The following HERC2 variants were observed in gnomAD, a reference collection of about 807,000 sequenced individuals.
The protein encoded by HERC2 is HECT and RLD domain containing E3 ubiquitin protein ligase 2.
In HERC2, 102 loss-of-function variants were observed where a neutral mutation model predicts 537.7. The ratio of observed to expected loss-of-function variants is 0.19; its 90% CI spans 0.16 to 0.22. The LOEUF (loss-of-function observed/expected upper bound fraction) is 0.22, where lower values mean the gene tolerates loss of function less well. HERC2 is among the 10% of genes least tolerant of loss of function. The pLI is 1.00. For synonymous variants in HERC2, 2,224 were observed against 2,466.2 expected (o/e 0.90, Z 2.91); for missense variants, 4,236 against 6,198.2 (o/e 0.68, Z 10.63).
At chr15:28,158,900 C>T (rs1456496685) in intron 69 of HERC2, among the ~76,000 whole-genome samples, 1 of 152,142 alleles carries the variant, frequency 6.6e-6, no homozygotes, top group Non-Finnish European at 1.5e-5. Context: ...ATGTTTAGTG[C>T]TTCCTTCAGG....
intron 81 of HERC2, 33 bp from the exon 82 acceptor site, chr15:28,130,627 G>A (rs1207587161): frequency 6.9e-7 from 1 of 1,446,272 alleles, no homozygotes; most frequent in Non-Finnish European, 9.7e-7. Flanking sequence ...TAGACAGACA[G>A]CAACAAGGCT....
intron 34 of HERC2, among the ~76,000 whole-genome samples, 162 bp from the exon 35 acceptor site, chr15:28,228,571 G>A (rs756538317): frequency 2.1e-4 from 32 of 151,834 alleles, no homozygotes; most frequent in Non-Finnish European, 3.7e-4. Context: ...AAGCACGGGC[G>A]ATTACTCTAA....
intron 92 of HERC2, among the ~76,000 whole-genome samples, chr15:28,112,287 C>T (rs1887730066): frequency 6.6e-6 from 1 of 152,142 alleles, no homozygotes; most frequent in Admixed American, 6.5e-5. Flanking sequence ...AGGACCACAC[C>T]ACCTGTGTGG....
intron 14 of HERC2, among the ~76,000 whole-genome samples, chr15:28,264,230 A>C (rs2075498647): frequency 6.6e-6 from 1 of 152,122 alleles, no homozygotes; most frequent in African/African-American, 2.4e-5. Context: ...TTTCTGTCCC[A>C]ACTACCCAGC....
chr15:28,204,342 C>A (rs1898179057), intron 45 of HERC2, among the ~76,000 whole-genome samples: 1 of 152,130 alleles, frequency 6.6e-6, no homozygotes, highest in Non-Finnish European at 1.5e-5. Flanking sequence ...ATAGATTTGG[C>A]CAGGCACGGT....
intron 2 of HERC2, among the ~76,000 whole-genome samples, chr15:28,313,104 C>T (rs1340805443): frequency 6.6e-5 from 10 of 150,414 alleles, no homozygotes; most frequent in East Asian, 5.8e-4. Context: ...ACCTGCAGCA[C>T]GGCAGCCAGG....
At chr15:28,160,945 C>T (rs1012418295) in intron 69 of HERC2, among the ~76,000 whole-genome samples, 2 of 152,188 alleles carry the variant, frequency 1.3e-5, no homozygotes, top group African/African-American at 4.8e-5. Flanking sequence ...ATGCAATAAA[C>T]TTATGAAAAA....
intron 5 of HERC2, 72 bp downstream of exon 5, chr15:28,279,996 A>C: frequency 1.6e-6 from 2 of 1,232,216 alleles, no homozygotes; most frequent in Non-Finnish European, 2.3e-6. Flanking sequence ...AAAACCTTAA[A>C]CTTTCTGAAA....
At chr15:28,132,069 G>A (rs750907285) in intron 81 of HERC2, 31 bp downstream of exon 81, 8 of 1,542,808 alleles carry the variant, frequency 5.2e-6, no homozygotes, top group Non-Finnish European at 7.0e-6. Flanking sequence ...TGAGCTGGGA[G>A]AGCACTGGGC....
At chr15:28,162,943 T>C (rs2142441090) in intron 69 of HERC2, 151 bp downstream of exon 69, 1 of 644,162 alleles carries the variant, frequency 1.6e-6, no homozygotes, top group East Asian at 2.7e-5. Context: ...CTAAAACGTT[T>C]TGCTCTAAAG....
Position 28,272,944 on chromosome 15 carries a change from G to C in HERC2, c.861C>G (p.His287Gln), listed in dbSNP as rs1383510196. 6.2e-7 allele frequency: 1 copy of C among 1,612,380 alleles called. No homozygotes were observed. Among genetic ancestry groups the C allele is most frequent in the Non-Finnish European group, 8.5e-7 (1 of 1,180,016 alleles). Residue 287 changes from histidine (H) to glutamine (Q), a missense_variant, in exon 8 of 93, where the codon CAC (histidine) becomes CAG (glutamine). Coordinates refer to ENST00000261609, the MANE Select transcript of HERC2 (RefSeq NM_004667.6). ...GPGSIPLQDQ[H>Q]LALAILLELA... ...GCTCCAGCAGGATGGCCAGGGCCAA[G>C]TGCTGGTCCTGCAGGGGGATGCTTC...
At chr15:28,287,914 C>CAG (rs2076204189) in intron 4 of HERC2, among the ~76,000 whole-genome samples, 2 of 151,898 alleles carry the variant, frequency 1.3e-5, no homozygotes, top group South Asian at 2.1e-4. Flanking sequence ...TTAGTAGAGA[C>CAG]GCTGTTTCAC....
intron 83 of HERC2, 137 bp from the exon 84 acceptor site, chr15:28,125,330 A>T: frequency 1.4e-6 from 1 of 709,640 alleles, no homozygotes; most frequent in Admixed American, 2.1e-5. Flanking sequence ...AACTTTACAT[A>T]TGACCTAGAC....
intron 69 of HERC2, among the ~76,000 whole-genome samples, chr15:28,161,863 T>C (rs1248341406): frequency 1.3e-5 from 2 of 152,222 alleles, no homozygotes; most frequent in Non-Finnish European, 2.9e-5. Flanking sequence ...ATTTAGAATA[T>C]GATAAAACTG....
Position 28,111,633 on chromosome 15 carries a change from A to G in HERC2, c.*130T>C, listed in dbSNP as rs1472930857. 5.3e-6 allele frequency: 5 copies of G among 942,358 alleles called. No individual in the cohort carries two copies. Among genetic ancestry groups the G allele is most frequent in the Non-Finnish European group, 8.0e-6 (5 of 628,896 alleles). 58.4% of individuals were successfully genotyped at this position (942,358 alleles called of 1,614,324 possible). ...CCCATCACGGCCAGTCAGTCTCTCCACTCCCTCCTCCCGCCTGGCTCGAGG... is the reference window on the plus strand; with the variant it reads ...CCCATCACGGCCAGTCAGTCTCTCCGCTCCCTCCTCCCGCCTGGCTCGAGG... On this transcript the variant is annotated 3_prime_UTR_variant, in exon 93 of 93. Coordinates refer to ENST00000261609, the MANE Select transcript of HERC2 (RefSeq NM_004667.6).
chr15:28,173,814 C>T (rs2140132318), intron 65 of HERC2, among the ~76,000 whole-genome samples: 1 of 148,582 alleles, frequency 6.7e-6, no homozygotes, highest in East Asian at 2.0e-4. Context: ...AAAAACCCAA[C>T]CAAACAACAA....
At chr15:28,309,141 A>C (rs1266981831) in intron 2 of HERC2, among the ~76,000 whole-genome samples, 8 of 152,236 alleles carry the variant, frequency 5.3e-5, no homozygotes, top group African/African-American at 1.9e-4. Flanking sequence ...TGCAGCCATC[A>C]GATGAAATGT....
intron 69 of HERC2, among the ~76,000 whole-genome samples, chr15:28,155,763 T>TA (rs1278707215): frequency 6.6e-6 from 1 of 152,196 alleles, no homozygotes; most frequent in African/African-American, 2.4e-5. Context: ...GCTCTTTAGT[T>TA]TAATTGGATC....
chr15:28,274,197 A>G lies in HERC2; in HGVS notation c.800+94T>C, dbSNP rs1227758611. ...CTGAAAACAGGTGAAAAACCAACCT[A>G]CTAGGCTTCTTAGCTCTAAAGCAAG... On this transcript the variant is annotated intron_variant, in intron 7 of 92. Coordinates refer to ENST00000261609, the MANE Select transcript of HERC2 (RefSeq NM_004667.6). 4.2e-5 allele frequency: 57 copies of G among 1,342,412 alleles called. No individual in the cohort carries two copies. The East Asian group carries it at 1.2e-3, about 29-fold the overall frequency. The allele number at this position is 1,342,412 out of a possible 1,614,324, so 83.2% of individuals were successfully genotyped here.
Sources: allele counts gnomAD v4.1 joint callset (sites outside exome capture counted in the v4.1 genomes callset), GRCh38; gene constraint gnomAD v4.1.1; transcripts MANE v1.5; gene names NCBI Gene and HGNC (gene_info 2026-07-23, HGNC 2026-07-21).